The following BANP variants were observed in gnomAD, a reference collection of about 807,000 sequenced individuals.
BANP encodes BTG3 associated nuclear protein, also known as protein BANP.
In BANP, 11 loss-of-function variants were observed where a neutral mutation model predicts 68.1. That is an observed-to-expected ratio of 0.16 (90% confidence interval 0.10 to 0.27). BANP has a LOEUF of 0.27. Ranked by LOEUF, BANP falls within the 10% of genes least tolerant of loss-of-function variation. The probability of loss-of-function intolerance (pLI) is 1.00; values close to 1 mark genes in which losing one functional copy is unlikely to be tolerated. For synonymous variants in BANP, 329 were observed against 303.2 expected (o/e 1.09, Z -0.88); for missense variants, 504 against 722.7 (o/e 0.70, Z 3.47).
intron 1 of BANP, among the ~76,000 whole-genome samples, chr16:87,954,286 CTTA>C (rs1423902475): frequency 6.6e-6 from 1 of 152,124 alleles, no homozygotes; most frequent in African/African-American, 2.4e-5. Context: ...TTCATAGTAG[CTTA>C]TTGTTACACA....
At chr16:88,022,723 C>T (rs1352360534) in intron 7 of BANP, among the ~76,000 whole-genome samples, 3 of 152,106 alleles carry the variant, frequency 2.0e-5, no homozygotes, top group African/African-American at 4.8e-5. Flanking sequence ...GGCAGGGCCA[C>T]GCTGCCTGAG....
intron 7 of BANP, among the ~76,000 whole-genome samples, chr16:88,026,615 CAG>C (rs2077043625): frequency 6.6e-6 from 1 of 151,786 alleles, no homozygotes; most frequent in Non-Finnish European, 1.5e-5. Flanking sequence ...ACCAGGGGAA[CAG>C]AGTAACAATA....
chr16:87,967,466 TG>T (rs1875830179), intron 1 of BANP, among the ~76,000 whole-genome samples: 1 of 152,010 alleles, frequency 6.6e-6, no homozygotes, highest in Admixed American at 6.6e-5. Flanking sequence ...GTTTTTGATT[TG>T]TTTTTTTGAG....
intron 1 of BANP, among the ~76,000 whole-genome samples, chr16:87,959,589 A>G (rs1597732584): frequency 6.6e-6 from 1 of 152,250 alleles, no homozygotes; most frequent in Non-Finnish European, 1.5e-5. Flanking sequence ...CGTCAGCCAC[A>G]GAAGGGCTTA....
At chr16:88,074,433 TA>T (rs1799313310) in intron 13 of BANP, among the ~76,000 whole-genome samples, 1 of 151,360 alleles carries the variant, frequency 6.6e-6, no homozygotes, top group Non-Finnish European at 1.5e-5. Flanking sequence ...GTTGGGAGGG[TA>T]GGGGGGTGCC....
intron 11 of BANP, among the ~76,000 whole-genome samples, chr16:88,049,306 TTTA>T (rs2152817084): frequency 6.6e-6 from 1 of 152,248 alleles, no homozygotes; most frequent in South Asian, 2.1e-4. Context: ...GTTTACTGTG[TTTA>T]TTATCATAAA....
At chr16:88,021,532 C>G (rs2076022629) in intron 7 of BANP, among the ~76,000 whole-genome samples, 1 of 152,220 alleles carries the variant, frequency 6.6e-6, no homozygotes. Flanking sequence ...TGCCTTCTCC[C>G]CCGCCTCAGG....
At chr16:87,980,382 T>G (rs958188275) in intron 2 of BANP, among the ~76,000 whole-genome samples, 8 of 152,156 alleles carry the variant, frequency 5.3e-5, no homozygotes, top group Non-Finnish European at 1.0e-4. Flanking sequence ...TTGTAATCAG[T>G]TTTAGAGAAA....
chr16:87,975,578 CGGCGTCATGGAACCTTACCATGTTG>C (rs2061903904), intron 2 of BANP, among the ~76,000 whole-genome samples: 1 of 103,802 alleles, frequency 9.6e-6, no homozygotes, highest in African/African-American at 3.5e-5. Context: ...ATCCCATGTG[CGGCGTCATGGAACCTTACCATGTTG>C]TGTGTGTAAT....
chr16:87,984,054 T>C lies in BANP; in HGVS notation c.163-6T>C. 2 of 1,613,908 alleles carry C rather than the reference T, an allele frequency of 1.2e-6. No individual in the cohort carries two copies. The highest frequency in any genetic ancestry group is 1.7e-6 in the Non-Finnish European group (2 of 1,179,860). ...CTTCCTAAAGCCGGTCTTTTTTCAC[T>C]TCCAGTCATTCCTGTATTCCATCAA... On this transcript the variant is annotated splice_polypyrimidine_tract_variant and splice_region_variant and intron_variant, in intron 3 of 13. Transcript: ENST00000682872.
intron 2 of BANP, among the ~76,000 whole-genome samples, chr16:87,979,575 A>G (rs2062867878): frequency 6.6e-6 from 1 of 152,128 alleles, no homozygotes; most frequent in Admixed American, 6.5e-5. Context: ...AGAGCGGGGC[A>G]GGTGTCATCT....
chr16:88,039,351 G>A lies in BANP; in HGVS notation c.1311+1340G>A, dbSNP rs576967187. On this transcript the variant is annotated intron_variant, in intron 11 of 13. Transcript: ENST00000682872. ...TCGGCGCAGTGCAGGTCAGTTCTCC[G>A]CGCCTTTGTCCCGTGGTTCTCACGG... is the stretch of plus-strand genomic sequence containing the variant. Among the ~76,000 whole-genome samples, 41 of 143,436 alleles carry A rather than the reference G, an allele frequency of 2.9e-4. 2 individuals carry two copies. Among genetic ancestry groups the A allele is most frequent in the Admixed American group, 7.7e-4 (11 of 14,272 alleles). The allele number at this position is 143,436 out of a possible 152,430, so 94.1% of individuals were successfully genotyped here. A position where few individuals can be genotyped will look rare whatever the true frequency, so the allele number is the denominator to read the frequency against.
chr16:87,964,379 G>GT (rs2059677876), intron 1 of BANP, among the ~76,000 whole-genome samples: 1 of 152,254 alleles, frequency 6.6e-6, no homozygotes. Flanking sequence ...CAGATGTGTA[G>GT]TAAGTCAGAC....
chr16:88,045,626 C>T (rs1307539048), intron 11 of BANP, among the ~76,000 whole-genome samples: 5 of 152,186 alleles, frequency 3.3e-5, no homozygotes, highest in Non-Finnish European at 7.3e-5. Flanking sequence ...TCAGACCAGC[C>T]AGAGGTGGGG....
intron 2 of BANP, 66 bp from the exon 3 acceptor site, chr16:87,980,970 T>A: frequency 3.6e-6 from 4 of 1,119,968 alleles, no homozygotes; most frequent in Non-Finnish European, 5.4e-6. Context: ...TTTACTATCT[T>A]AATGTTAAAA....
rs528410134 is a variant in BANP, at chr16:87,987,140, G to A, written c.362+2881G>A. Reference sequence around the variant, plus strand: ...GCCACCCAGGCTGGAGTGCAGTGGCGCGATCTTGGCTCACTGCAACCTCTG... The same window carrying A: ...GCCACCCAGGCTGGAGTGCAGTGGCACGATCTTGGCTCACTGCAACCTCTG... On this transcript the variant is annotated intron_variant, in intron 4 of 13. Transcript: ENST00000682872. 6.4e-4 allele frequency among the ~76,000 whole-genome samples: 97 copies of A among 152,138 alleles called. 2 individuals carry two copies. Among genetic ancestry groups the A allele is most frequent in the Admixed American group, 5.0e-3 (77 of 15,270 alleles).
chr16:87,994,071 G>T (rs2066565514), intron 4 of BANP, among the ~76,000 whole-genome samples: 1 of 152,168 alleles, frequency 6.6e-6, no homozygotes, highest in South Asian at 2.1e-4. Flanking sequence ...GTGTTTGGAG[G>T]GCCCTGGTGT....
At chr16:88,006,507 G>A (rs1475767941) in intron 6 of BANP, among the ~76,000 whole-genome samples, 1 of 151,692 alleles carries the variant, frequency 6.6e-6, no homozygotes, top group Non-Finnish European at 1.5e-5. Context: ...TTAGCCGGGT[G>A]TGGTGGCAGG....
chr16:88,035,542 A>G (rs1295800909), intron 10 of BANP, 148 bp downstream of exon 10: 1 of 705,764 alleles, frequency 1.4e-6, no homozygotes, highest in Non-Finnish European at 2.4e-6. Context: ...TCCAGGGTGC[A>G]CATAGCGGGC....
Sources: gnomAD v4.1 joint callset for allele counts (sites outside exome capture counted in the v4.1 genomes callset) on GRCh38, gnomAD v4.1.1 for gene constraint, MANE v1.5 for transcripts, NCBI Gene and HGNC (gene_info 2026-07-23, HGNC 2026-07-21) for gene names.